HNRNPC: variants seen among roughly 807,000 people sequenced by gnomAD.
HNRNPC encodes the protein heterogeneous nuclear ribonucleoproteins C1/C2.
Under a neutral mutation model 33.2 loss-of-function variants are expected in HNRNPC, and 3 were observed. That is an observed-to-expected ratio of 0.09 (90% confidence interval 0.04 to 0.23). HNRNPC has a LOEUF of 0.23. Ranked by LOEUF, HNRNPC falls within the 10% of genes least tolerant of loss-of-function variation. The probability of loss-of-function intolerance (pLI) is 1.00; values close to 1 mark genes in which losing one functional copy is unlikely to be tolerated. For missense variants in HNRNPC, 143 were observed against 366.7 expected, an observed-to-expected ratio of 0.39 and a Z score of 4.98; for synonymous variants, 121 against 126.7, an observed-to-expected ratio of 0.96 and a Z score of 0.30.
rs56203257 is a variant in HNRNPC at position 21,267,095 on chromosome 14, C to CAAA, written c.-63+2200_-63+2202dup. ...AGGGCGACAGAGCGAGACTCCGTCTCAAAAAAAAAAAAAAAAAAAAAAAAA... is the reference window on the plus strand; with the variant it reads ...AGGGCGACAGAGCGAGACTCCGTCTCAAAAAAAAAAAAAAAAAAAAAAAAAAAA... On this transcript the variant is annotated intron_variant, in intron 1 of 8. Transcript: ENST00000553300. 1.3e-3 allele frequency among the ~76,000 whole-genome samples: 131 copies of CAAA among 104,048 alleles called. 2 individuals carry two copies. The highest frequency in any genetic ancestry group is 1.6e-3 in the Non-Finnish European group (79 of 49,588). The allele number at this position is 104,048 out of a possible 152,430, so 68.3% of individuals were successfully genotyped here. A position where few individuals can be genotyped will look rare whatever the true frequency, so the allele number is the denominator to read the frequency against.
chr14:21,239,027 T>G (rs1365226828), intron 2 of HNRNPC, among the ~76,000 whole-genome samples: 2 of 148,934 alleles, frequency 1.3e-5, no homozygotes, highest in African/African-American at 5.0e-5. Context: ...CTCGGGAGGC[T>G]GAGACAGGAG....
intron 5 of HNRNPC, among the ~76,000 whole-genome samples, chr14:21,219,438 G>A (rs1275841797): frequency 6.6e-6 from 1 of 152,182 alleles, no homozygotes; most frequent in Non-Finnish European, 1.5e-5. Flanking sequence ...ATCTGTGTAA[G>A]ATTTCTGCCT....
chr14:21,215,928 AGAAAAG>A (rs1892118925), intron 5 of HNRNPC, among the ~76,000 whole-genome samples: 1 of 144,878 alleles, frequency 6.9e-6, no homozygotes, highest in African/African-American at 2.7e-5. Flanking sequence ...GAAGAAAGAA[AGAAAAG>A]GAAAAGAAAA....
chr14:21,216,120 CA>C (rs370660995), intron 5 of HNRNPC, among the ~76,000 whole-genome samples: 3,157 of 87,758 alleles, frequency 0.036, 74 homozygotes, highest in African/African-American at 0.12. Context: ...CCTCCACCAC[CA>C]AAAAAAAAAA....
At chr14:21,228,314 G>A (rs1296104521) in intron 5 of HNRNPC, among the ~76,000 whole-genome samples, 1 of 152,136 alleles carries the variant, frequency 6.6e-6, no homozygotes, top group Non-Finnish European at 1.5e-5. Context: ...TCAAAAAATT[G>A]CAATTTCAGG....
chr14:21,254,831 G>T (rs572993925), intron 2 of HNRNPC, among the ~76,000 whole-genome samples: 1 of 151,896 alleles, frequency 6.6e-6, no homozygotes, highest in South Asian at 2.1e-4. Flanking sequence ...ACTTGAATCC[G>T]GGAGGCGGAG....
rs2139434341 is a variant in HNRNPC at position 21,210,752 on chromosome 14, A to T, written c.*471T>A. ...AAAATACATTGTTACATTTGTGTTG[A>T]ACTGCCCCACACAGCACACTAATGT... On this transcript the variant is annotated 3_prime_UTR_variant, in exon 9 of 9. Transcript: ENST00000553300. 6.4e-6 allele frequency: 1 copy of T among 156,154 alleles called. No individual in the cohort carries two copies. The highest frequency in any genetic ancestry group is 3.4e-3 in the Middle Eastern group (1 of 294). The allele number at this position is 156,154 out of a possible 1,614,324, so 9.7% of individuals were successfully genotyped here.
At chr14:21,213,173 T>C (rs369349396) in intron 5 of HNRNPC, 56 bp from the exon 6 acceptor site, 4 of 1,525,640 alleles carry the variant, frequency 2.6e-6, no homozygotes, top group East Asian at 2.3e-5. Flanking sequence ...CTCAGCACAA[T>C]TCAACAGACC....
At chr14:21,247,905 C>T (rs1464955593) in intron 2 of HNRNPC, among the ~76,000 whole-genome samples, 3 of 151,588 alleles carry the variant, frequency 2.0e-5, no homozygotes, top group African/African-American at 7.3e-5. Context: ...GAGAAAGAAT[C>T]GCCAGAACAT....
chr14:21,242,962 T>C (rs1357556710), intron 2 of HNRNPC, among the ~76,000 whole-genome samples: 2 of 152,080 alleles, frequency 1.3e-5, no homozygotes, highest in Non-Finnish European at 2.9e-5. Flanking sequence ...CCATCTCTAC[T>C]AACAATACAA....
intron 2 of HNRNPC, among the ~76,000 whole-genome samples, chr14:21,254,234 AAC>A (rs1876726808): frequency 6.6e-6 from 1 of 152,170 alleles, no homozygotes; most frequent in Admixed American, 6.5e-5. Context: ...GGACGAGTAC[AAC>A]AGTGTATTGG....
intron 2 of HNRNPC, among the ~76,000 whole-genome samples, chr14:21,237,573 G>A (rs910829487): frequency 1.3e-5 from 2 of 152,064 alleles, no homozygotes; most frequent in African/African-American, 4.8e-5. Context: ...ACCTTTTTGT[G>A]GTGTTATTGA....
intron 2 of HNRNPC, among the ~76,000 whole-genome samples, chr14:21,249,420 C>CAA (rs11360295): frequency 4.5e-5 from 5 of 110,134 alleles, no homozygotes; most frequent in South Asian, 5.6e-4. Flanking sequence ...ACTAAAAATA[C>CAA]AAAAAAAAAA....
intron 5 of HNRNPC, among the ~76,000 whole-genome samples, chr14:21,214,101 C>G (rs913210105): frequency 6.6e-6 from 1 of 152,134 alleles, no homozygotes; most frequent in African/African-American, 2.4e-5. Context: ...CCTATGGCAA[C>G]GTATGAAAAG....
intron 1 of HNRNPC, among the ~76,000 whole-genome samples, chr14:21,267,017 G>C (rs534457570): frequency 1.4e-3 from 210 of 149,728 alleles, no homozygotes; most frequent in African/African-American, 5.0e-3. Flanking sequence ...CTTGAACCCG[G>C]GAGGCGGAGG....
intron 1 of HNRNPC, among the ~76,000 whole-genome samples, chr14:21,266,228 G>C (rs539714297): frequency 2.0e-5 from 3 of 151,968 alleles, no homozygotes; most frequent in Non-Finnish European, 4.4e-5. Context: ...TCAGCCTCCC[G>C]AGTAGCTGGG....
chr14:21,236,235 G>A (rs779477117), intron 2 of HNRNPC: 1 of 152,110 alleles, frequency 6.6e-6, no homozygotes, highest in Non-Finnish European at 1.5e-5. Context: ...GTTGTTATGA[G>A]TTTAAGGATA....
intron 2 of HNRNPC, among the ~76,000 whole-genome samples, chr14:21,259,856 G>T (rs114108623): frequency 7.1e-6 from 1 of 140,502 alleles, no homozygotes; most frequent in East Asian, 2.1e-4. Context: ...GACCAGCCTG[G>T]GAAACAAAAT....
At chr14:21,240,372 T>A (rs1895203849) in intron 2 of HNRNPC, among the ~76,000 whole-genome samples, 1 of 152,222 alleles carries the variant, frequency 6.6e-6, no homozygotes, top group African/African-American at 2.4e-5. Context: ...GAAACCAATC[T>A]TGGATTGTCA....
Sources: allele counts gnomAD v4.1 joint callset (sites outside exome capture counted in the v4.1 genomes callset), GRCh38; gene constraint gnomAD v4.1.1; transcripts MANE v1.5; gene names NCBI Gene and HGNC (gene_info 2026-07-23, HGNC 2026-07-21).